The following CLCC1 variants were observed in gnomAD, a reference collection of about 807,000 sequenced individuals.
CLCC1 encodes chloride channel CLIC like 1.
Under a neutral mutation model 63.3 loss-of-function variants are expected in CLCC1, and 39 were observed. The ratio of observed to expected loss-of-function variants is 0.62; its 90% CI spans 0.48 to 0.81. The LOEUF is 0.81. CLCC1 is among the 30% of genes least tolerant of loss of function. The pLI is 0.00. For missense variants in CLCC1, 549 were observed against 669.4 expected (o/e 0.82, Z 1.98); for synonymous variants, 217 against 239.8 (o/e 0.90, Z 0.88).
Position 108,937,159 on chromosome 1 carries a change from G to T in CLCC1, c.1301C>A (p.Thr434Asn), listed in dbSNP as rs745388024. Residue 434 changes from threonine (T) to asparagine (N), a missense_variant, in exon 11 of 13, where the codon ACT (threonine) becomes AAT (asparagine). Thr to Asn is a moderately conservative substitution (Grantham distance 65, BLOSUM62 0). Transcript: ENST00000369969. ...RERDVDLRFQ[T>N]GNKSPEVLRA... ...GAGCACTTCAGGGCTCTTGTTGCCA[G>T]TCTGAAATCTCAAGTCAACATCTCT... The T allele has an allele frequency of 1.3e-6, 2 of 1,578,806 alleles. No individual in the cohort carries two copies. The highest frequency in any genetic ancestry group is 2.2e-5 in the East Asian group (1 of 44,568).
rs751585020 is a variant in CLCC1, at chr1:108,939,769, G to T, written c.908C>A (p.Thr303Lys). 6.2e-7 allele frequency: 1 copy of T among 1,613,814 alleles called. No individual in the cohort carries two copies. Among genetic ancestry groups the T allele is most frequent in the Non-Finnish European group, 8.5e-7 (1 of 1,179,920 alleles). The change falls in exon 10 of 13, where the codon ACA (threonine) becomes AAA (lysine). Residue 303 changes from threonine (T) to lysine (K), a missense_variant. Coordinates refer to ENST00000369969, the MANE Select transcript of CLCC1 (RefSeq NM_001377458.1). ...TGGCTCCGTTACAAATGTGGTGAAT[G>T]TAACTGCAAGTGCCTAAAACGAGAG... ...LVPPTKALAV[T>K]FTTFVTEPLK... is the part of the protein sequence containing the mutation.
At chr1:108,963,311 G>T in intron 1 of CLCC1, 50 bp downstream of exon 1, 1 of 683,866 alleles carries the variant, frequency 1.5e-6, no homozygotes, top group Non-Finnish European at 2.7e-6. Flanking sequence ...GCGTAACGGC[G>T]GGTAACCCGC....
chr1:108,950,636 C>T (rs1054519919), intron 2 of CLCC1, among the ~76,000 whole-genome samples, 188 bp from the exon 3 acceptor site: 7 of 151,814 alleles, frequency 4.6e-5, no homozygotes, highest in African/African-American at 1.7e-4. Context: ...GTCCTCCTGG[C>T]TAGCTGGGAC....
intron 7 of CLCC1, 56 bp from the exon 8 acceptor site, chr1:108,941,554 A>G: frequency 7.6e-7 from 1 of 1,319,948 alleles, no homozygotes. Context: ...GGTTAGGCCT[A>G]CACATCCAAA....
intron 10 of CLCC1, among the ~76,000 whole-genome samples, chr1:108,937,768 G>C (rs1653230757): frequency 6.6e-6 from 1 of 152,184 alleles, no homozygotes. Flanking sequence ...TAAGGTAAAT[G>C]CTGAAAATAT....
In CLCC1 at chr1:108,937,240, G is replaced by T; in HGVS notation, c.1220C>A (p.Thr407Asn). Reference protein sequence around the residue: ...DFHYRGQMGPTEQGPYAKTYE... With the variant: ...DFHYRGQMGPNEQGPYAKTYE... Reference sequence around the variant, plus strand: ...CGTTTTGGCATAAGGGCCTTGCTCAGTGGGGCCCATTTGGCCCCTATAATG... The same window carrying T: ...CGTTTTGGCATAAGGGCCTTGCTCATTGGGGCCCATTTGGCCCCTATAATG... Residue 407 changes from threonine to asparagine, a missense_variant, in exon 11 of 13, where the codon ACT (threonine) becomes AAT (asparagine). By Grantham distance (65) the Thr-to-Asn change is moderately conservative. Transcript: ENST00000369969. 6.2e-7 allele frequency: 1 copy of T among 1,614,174 alleles called. No individual in the cohort carries two copies.
At chr1:108,960,746 T>A (rs1252510351) in intron 2 of CLCC1, among the ~76,000 whole-genome samples, 1 of 152,180 alleles carries the variant, frequency 6.6e-6, no homozygotes. Context: ...TTTCTAACAC[T>A]GTGAGGAGGT....
chr1:108,939,923 G>A (rs1653615744), intron 9 of CLCC1, 122 bp downstream of exon 9: 2 of 1,268,578 alleles, frequency 1.6e-6, no homozygotes, highest in Non-Finnish European at 2.2e-6. Flanking sequence ...GAAAATCACT[G>A]TGCAAAAGTA....
At position 108,934,682 on chromosome 1, in the gene CLCC1, G is replaced by T. The variant is rs1406543484; in HGVS notation, c.1644C>A (p.Ser548Arg). 2 of 1,612,870 alleles carry T rather than the reference G, an allele frequency of 1.2e-6. No homozygotes were observed. The highest frequency in any genetic ancestry group is 1.7e-6 in the Non-Finnish European group (2 of 1,179,664). The part of the protein sequence containing the change: ...AGPRGQDPVS[S>R]PCG ...TGCTGGTGTTCCTCTAGCCACAGGG[G>T]CTGCTGACCGGATCCTGTCCACGTG... The change falls in exon 12 of 13, where the codon AGC (serine) becomes AGA (arginine). Residue 548 changes from serine (S) to arginine (R), a missense_variant. Physicochemically the swap from Ser to Arg is moderately radical, Grantham distance 110. Coordinates refer to ENST00000369969, the MANE Select transcript of CLCC1 (RefSeq NM_001377458.1).
At chr1:108,947,805 C>G (rs1654731338) in intron 4 of CLCC1, 87 bp from the exon 5 acceptor site, 2 of 849,144 alleles carry the variant, frequency 2.4e-6, no homozygotes, top group East Asian at 5.2e-5. Flanking sequence ...TCATCGGAAT[C>G]AAGGTAAGGA....
chr1:108,949,300 G>A (rs908557485), intron 4 of CLCC1, among the ~76,000 whole-genome samples: 5 of 152,154 alleles, frequency 3.3e-5, no homozygotes, highest in Non-Finnish European at 5.9e-5. Context: ...AGCACATAAC[G>A]ACTACATTCA....
In CLCC1 at chr1:108,940,077, C is replaced by CT. The variant is rs1488108011; in HGVS notation, c.861dup (p.Val288SerfsTer37). ...GGTGGGACCAACCAAATAGGGTTGA[C>CT]TAGTAAGAGCTCATAGTATTTTTGG... On this transcript the variant is annotated frameshift_variant, in exon 9 of 13. Transcript: ENST00000369969. LOFTEE classifies it high-confidence loss of function. 3 of 1,613,522 alleles carry CT rather than the reference C, an allele frequency of 1.9e-6. No homozygotes were observed. Among genetic ancestry groups the CT allele is most frequent in the Non-Finnish European group, 2.5e-6 (3 of 1,179,782 alleles).
At chr1:108,962,863 T>A (rs1417852326) in intron 1 of CLCC1, among the ~76,000 whole-genome samples, 1 of 126,548 alleles carries the variant, frequency 7.9e-6, no homozygotes, top group African/African-American at 3.0e-5. Flanking sequence ...ACAGCAAGAC[T>A]CCGTCTCAAA....
chr1:108,939,136 T>C (rs1318213131), intron 10 of CLCC1, among the ~76,000 whole-genome samples: 2 of 148,458 alleles, frequency 1.3e-5, no homozygotes, highest in Admixed American at 1.4e-4. Context: ...GTATTACTAA[T>C]ATTAATACTA....
rs1651930563 is a variant in CLCC1, at chr1:108,931,357, T to TAA, written c.*1188_*1189dup. ...AGGGGATGATAACAAAGTAACTAACTAACTGTAGCAAAAGACAAGTATGGG... is the reference window on the plus strand; with the variant it reads ...AGGGGATGATAACAAAGTAACTAACTAAAACTGTAGCAAAAGACAAGTATGGG... On this transcript the variant is annotated 3_prime_UTR_variant, in exon 13 of 13. Coordinates refer to ENST00000369969, the MANE Select transcript of CLCC1 (RefSeq NM_001377458.1). 1 of 1,550,982 alleles carries TAA rather than the reference T, an allele frequency of 6.4e-7. No individual in the cohort carries two copies. The highest frequency in any genetic ancestry group is 2.0e-5 in the Admixed American group (1 of 50,954).
chr1:108,957,734 G>C (rs1391052108), intron 2 of CLCC1, among the ~76,000 whole-genome samples: 1 of 151,386 alleles, frequency 6.6e-6, no homozygotes, highest in East Asian at 1.9e-4. Flanking sequence ...GTTTTGTTTG[G>C]ATATAGTAAA....
chr1:108,957,867 G>A (rs1656108475), intron 2 of CLCC1, among the ~76,000 whole-genome samples: 1 of 151,344 alleles, frequency 6.6e-6, no homozygotes, highest in African/African-American at 2.5e-5. Context: ...GATGATCTGG[G>A]TAAGATCACC....
chr1:108,943,642 G>C, intron 6 of CLCC1, 27 bp from the exon 7 acceptor site: 1 of 1,612,054 alleles, frequency 6.2e-7, no homozygotes, highest in Non-Finnish European at 8.5e-7. Context: ...GCAGAAATCA[G>C]CCACCAAAAA....
chr1:108,941,638 A>T, intron 7 of CLCC1, 140 bp from the exon 8 acceptor site: 1 of 469,958 alleles, frequency 2.1e-6, no homozygotes, highest in Non-Finnish European at 3.6e-6. Context: ...AAAAAAAAAC[A>T]TATTATTATT....
Sources: allele counts gnomAD v4.1 joint callset (sites outside exome capture counted in the v4.1 genomes callset), GRCh38; gene constraint gnomAD v4.1.1; transcripts MANE v1.5; gene names NCBI Gene and HGNC (gene_info 2026-07-23, HGNC 2026-07-21).